Variants in YTHDC2 observed in about 807,000 individuals in gnomAD.
The protein encoded by YTHDC2 is 3'-5' RNA helicase YTHDC2.
In YTHDC2, 45 loss-of-function variants were observed where a neutral mutation model predicts 174.9. The observed-to-expected ratio is 0.26, with a 90% CI of 0.20 to 0.33. The LOEUF (loss-of-function observed/expected upper bound fraction) is 0.33, where lower values mean the gene tolerates loss of function less well. Ranked by LOEUF, YTHDC2 falls within the 10% of genes least tolerant of loss-of-function variation. The pLI is 1.00. For synonymous variants in YTHDC2, 657 were observed against 574.5 expected, an observed-to-expected ratio of 1.14 and a Z score of -2.05; for missense variants, 1,650 against 1,723.7, an observed-to-expected ratio of 0.96 and a Z score of 0.76.
chr5:113,591,315 A>C (rs1287814792), intron 27 of YTHDC2, 71 bp downstream of exon 27: 1 of 1,500,976 alleles, frequency 6.7e-7, no homozygotes, highest in Non-Finnish European at 9.2e-7. Context: ...TTTTAGAAAA[A>C]CAACTGGCTT....
chr5:113,582,294 G>A (rs556928041), intron 25 of YTHDC2: 39 of 152,286 alleles, frequency 2.6e-4, no homozygotes, highest in African/African-American at 8.4e-4. Context: ...CAAATTTACT[G>A]TCATATGACA....
At chr5:113,561,463 ATCTATC>A (rs1267564358) in intron 18 of YTHDC2, among the ~76,000 whole-genome samples, 17 of 138,496 alleles carry the variant, frequency 1.2e-4, no homozygotes, top group African/African-American at 4.0e-4. Context: ...CTATCTATCT[ATCTATC>A]TATATTTTTT....
At chr5:113,581,198 T>C (rs1256271801) in intron 24 of YTHDC2, 1 of 410,460 alleles carries the variant, frequency 2.4e-6, no homozygotes, top group Non-Finnish European at 4.2e-6. Flanking sequence ...ACTGTCTTTC[T>C]TATTAGACTA....
chr5:113,559,161 A>G (rs1776799857), intron 17 of YTHDC2, among the ~76,000 whole-genome samples: 1 of 152,138 alleles, frequency 6.6e-6, no homozygotes, highest in South Asian at 2.1e-4. Flanking sequence ...CCTGGAGGTA[A>G]GTCAGAGGCT....
intron 11 of YTHDC2, 27 bp downstream of exon 11, chr5:113,548,694 A>G (rs1001522057): frequency 1.9e-6 from 3 of 1,594,658 alleles, no homozygotes; most frequent in Admixed American, 1.8e-5. Context: ...TTGATTCTTC[A>G]TATATCTTTG....
intron 16 of YTHDC2, among the ~76,000 whole-genome samples, chr5:113,555,116 A>G (rs1198063374): frequency 6.6e-6 from 1 of 152,048 alleles, no homozygotes; most frequent in Non-Finnish European, 1.5e-5. Context: ...ATGGTGAGCC[A>G]ATGAAAATTC....
intron 18 of YTHDC2, among the ~76,000 whole-genome samples, chr5:113,562,724 T>C (rs1014792411): frequency 2.4e-4 from 36 of 152,232 alleles, no homozygotes; most frequent in Non-Finnish European, 1.5e-5. Context: ...TCCTACTCAA[T>C]CTTTACATCT....
Position 113,534,304 on chromosome 5 carries a change from G to T in YTHDC2, c.843-1G>T. ...ACTTTGTTTTGCTTTTTTTTTAAAA[G>T]GGTTTCTCCAAAGACACTTCTGACA... On this transcript the variant is annotated splice_acceptor_variant, in intron 5 of 29. Transcript: ENST00000161863. LOFTEE classifies it high-confidence loss of function. 6.2e-7 allele frequency: 1 copy of T among 1,606,972 alleles called. No homozygotes were observed. The highest frequency in any genetic ancestry group is 8.5e-7 in the Non-Finnish European group (1 of 1,175,774).
rs1272718828 is a variant in YTHDC2, at chr5:113,517,692, C to T, written c.278+2330C>T. On this transcript the variant is annotated intron_variant, in intron 2 of 29. Transcript: ENST00000161863. ...CTTACGAAATACCCTAGCTCCTTCT[C>T]TCTTTTTTTCATCTTTGAGTAAACT... The T allele has an allele frequency of 7.6e-6, 3 of 396,468 alleles. No homozygotes were observed. The East Asian group carries it at 2.4e-4, about 32-fold the overall frequency. 24.6% of individuals were successfully genotyped at this position (396,468 alleles called of 1,614,324 possible).
chr5:113,573,869 A>G (rs1197745054), intron 23 of YTHDC2, among the ~76,000 whole-genome samples: 1 of 152,096 alleles, frequency 6.6e-6, no homozygotes, highest in African/African-American at 2.4e-5. Context: ...GTATTGTTTT[A>G]TCATGATTCT....
intron 16 of YTHDC2, among the ~76,000 whole-genome samples, chr5:113,554,585 AG>A (rs1776475550): frequency 6.6e-6 from 1 of 151,746 alleles, no homozygotes. Context: ...GTAAAAAAAA[AG>A]TTTCATTGGA....
intron 2 of YTHDC2, among the ~76,000 whole-genome samples, chr5:113,519,982 T>A (rs1009112613): frequency 1.3e-5 from 2 of 152,214 alleles, no homozygotes; most frequent in Non-Finnish European, 2.9e-5. Flanking sequence ...TTGCTGCACC[T>A]ATCAACTCAT....
At chr5:113,568,788 G>A (rs187634682) in intron 23 of YTHDC2, among the ~76,000 whole-genome samples, 66 of 152,132 alleles carry the variant, frequency 4.3e-4, no homozygotes, top group Admixed American at 2.6e-3. Flanking sequence ...TGGGCATTTG[G>A]GTTGATTCCA....
intron 12 of YTHDC2, among the ~76,000 whole-genome samples, chr5:113,550,477 C>T (rs1472775947): frequency 6.6e-6 from 1 of 151,926 alleles, no homozygotes; most frequent in Non-Finnish European, 1.5e-5. Flanking sequence ...AAATGTTTAC[C>T]AGTCATAGTA....
chr5:113,540,631 A>G (rs1288848403), intron 8 of YTHDC2, among the ~76,000 whole-genome samples: 3 of 152,172 alleles, frequency 2.0e-5, no homozygotes, highest in Non-Finnish European at 4.4e-5. Flanking sequence ...GTGAGAACTC[A>G]CTATCATGAG....
intron 17 of YTHDC2, among the ~76,000 whole-genome samples, chr5:113,560,424 AAG>A (rs1776884295): frequency 6.6e-6 from 1 of 152,166 alleles, no homozygotes; most frequent in South Asian, 2.1e-4. Context: ...TGATGAAGGA[AAG>A]AGTTGATCAA....
In YTHDC2 at chr5:113,594,723, C is replaced by T. The variant is rs1219088975; in HGVS notation, c.*1249C>T. Reference sequence around the variant, plus strand: ...AATAGACAGGTTTGATGGCACTTCTCATGATACATTTTAGTTATTCTTATA... The same window carrying T: ...AATAGACAGGTTTGATGGCACTTCTTATGATACATTTTAGTTATTCTTATA... On this transcript the variant is annotated 3_prime_UTR_variant, in exon 30 of 30. Transcript: ENST00000161863. 3 of 152,146 alleles carry T rather than the reference C, an allele frequency of 2.0e-5. No homozygotes were observed. Among genetic ancestry groups the T allele is most frequent in the Non-Finnish European group, 4.4e-5 (3 of 68,022 alleles). 9.4% of individuals were successfully genotyped at this position (152,146 alleles called of 1,614,324 possible).
rs1322215117 is a variant in YTHDC2 at position 113,534,344 on chromosome 5, G to A, written c.882G>A (p.Gly294=). 2 of 1,612,348 alleles carry A rather than the reference G, an allele frequency of 1.2e-6. No individual in the cohort carries two copies. The highest frequency in any genetic ancestry group is 1.7e-6 in the Non-Finnish European group (2 of 1,178,946). The change falls in exon 6 of 30, where the codon GGG becomes GGA. Residue 294 remains glycine, a synonymous_variant. Transcript: ENST00000161863. The part of the protein sequence containing the change: ...PKTLLTFCTN[G]VLLRTLMAGD... ...CACTTCTGACATTTTGTACTAATGGGGTATTGCTTCGTACATTGATGGCAG... is the reference window on the plus strand; with the variant it reads ...CACTTCTGACATTTTGTACTAATGGAGTATTGCTTCGTACATTGATGGCAG...
At chr5:113,521,055 C>T (rs1468332272) in intron 2 of YTHDC2, among the ~76,000 whole-genome samples, 2 of 152,170 alleles carry the variant, frequency 1.3e-5, no homozygotes, top group Non-Finnish European at 2.9e-5. Context: ...AGGATAATGG[C>T]CTTCAGCTCC....
Sources: allele counts gnomAD v4.1 joint callset (sites outside exome capture counted in the v4.1 genomes callset), GRCh38; gene constraint gnomAD v4.1.1; transcripts MANE v1.5; gene names NCBI Gene and HGNC (gene_info 2026-07-23, HGNC 2026-07-21).